Variants in FMN1 observed in about 807,000 individuals in gnomAD.
The protein encoded by FMN1 is formin-1.
A neutral mutation model predicts 132.4 loss-of-function variants in FMN1; 110 were observed. The observed-to-expected ratio is 0.83, with a 90% CI of 0.71 to 0.97. The LOEUF (loss-of-function observed/expected upper bound fraction) is 0.97, where lower values mean the gene tolerates loss of function less well. Ranked by LOEUF, FMN1 falls within the 50% of genes least tolerant of loss-of-function variation. FMN1 has a pLI of 0.00. For synonymous variants in FMN1, 722 were observed against 651.7 expected (o/e 1.11, Z -1.64); for missense variants, 1,792 against 1,705.3 (o/e 1.05, Z -0.90).
chr15:32,998,981 G>A (rs149152497), intron 7 of FMN1, among the ~76,000 whole-genome samples: 32 of 152,230 alleles, frequency 2.1e-4, no homozygotes, highest in Non-Finnish European at 2.9e-4. Context: ...GTAGCCAGTC[G>A]CCCAAGAGGA....
Position 33,066,299 on chromosome 15 carries a change from C to T in FMN1, c.2044-1225G>A, listed in dbSNP as rs538664283. 3.9e-5 allele frequency among the ~76,000 whole-genome samples: 6 copies of T among 152,250 alleles called. No individual in the cohort carries two copies. In the South Asian group the frequency reaches 1.2e-3, roughly 32 times the overall value. ...CTACCTGCACATCTTTGTGTATATC[C>T]CTCTTGCAATATTCCAGATAAAAAT... On this transcript the variant is annotated intron_variant, in intron 5 of 20. Coordinates refer to ENST00000616417, the MANE Select transcript of FMN1 (RefSeq NM_001277313.2).
chr15:33,004,687 G>T (rs991964011), intron 7 of FMN1, among the ~76,000 whole-genome samples: 4 of 152,118 alleles, frequency 2.6e-5, no homozygotes, highest in African/African-American at 7.2e-5. Context: ...CCCATTACTG[G>T]GTACATACCC....
At chr15:33,126,891 T>C (rs1396605469) in intron 4 of FMN1, among the ~76,000 whole-genome samples, 2 of 152,202 alleles carry the variant, frequency 1.3e-5, no homozygotes, top group Non-Finnish European at 2.9e-5. Flanking sequence ...TGTGGCTGTA[T>C]AACTGCAAAG....
At chr15:32,868,609 G>A (rs1006872880) in intron 16 of FMN1, among the ~76,000 whole-genome samples, 4 of 152,014 alleles carry the variant, frequency 2.6e-5, no homozygotes, top group African/African-American at 7.2e-5. Flanking sequence ...CACATACACC[G>A]ACACGTGAAA....
intron 7 of FMN1, among the ~76,000 whole-genome samples, chr15:32,975,627 A>G (rs1301334548): frequency 6.6e-6 from 1 of 152,048 alleles, no homozygotes; most frequent in Non-Finnish European, 1.5e-5. Flanking sequence ...CTCATAAAAC[A>G]TCCAAATTTT....
At chr15:32,952,168 C>G (rs1364611628) in intron 9 of FMN1, among the ~76,000 whole-genome samples, 1 of 152,198 alleles carries the variant, frequency 6.6e-6, no homozygotes, top group Non-Finnish European at 1.5e-5. Flanking sequence ...CTCCACACCC[C>G]AAGAGTATAT....
At chr15:33,123,412 A>G (rs144069926) in intron 4 of FMN1, among the ~76,000 whole-genome samples, 2,426 of 152,276 alleles carry the variant, frequency 0.016, 36 homozygotes, top group Non-Finnish European at 0.025. Context: ...GGTTCAAACA[A>G]TGTTTGTTGA....
intron 9 of FMN1, among the ~76,000 whole-genome samples, chr15:32,930,868 A>T (rs913269966): frequency 1.3e-5 from 2 of 152,136 alleles, no homozygotes; most frequent in Non-Finnish European, 2.9e-5. Context: ...TGATTTTTGT[A>T]TATGTTCCAA....
chr15:32,975,897 C>A (rs1194880198), intron 7 of FMN1, among the ~76,000 whole-genome samples: 1 of 152,098 alleles, frequency 6.6e-6, no homozygotes, highest in East Asian at 1.9e-4. Flanking sequence ...AATATCCTCC[C>A]CATTACCACT....
chr15:33,031,848 T>C (rs1176640788), intron 6 of FMN1, among the ~76,000 whole-genome samples: 2 of 152,230 alleles, frequency 1.3e-5, no homozygotes, highest in Admixed American at 1.3e-4. Flanking sequence ...TATAAATATA[T>C]GAACAAATGT....
chr15:33,002,762 T>C (rs2034190943), intron 7 of FMN1, among the ~76,000 whole-genome samples: 1 of 152,180 alleles, frequency 6.6e-6, no homozygotes, highest in Admixed American at 6.5e-5. Flanking sequence ...TTTAAAATAT[T>C]TATTCCTAGT....
chr15:33,184,489 ATCTTTTTTTTT>A (rs1246472455), intron 2 of FMN1, among the ~76,000 whole-genome samples: 2 of 148,180 alleles, frequency 1.3e-5, no homozygotes, highest in African/African-American at 2.5e-5. Context: ...TTTAATTTAG[ATCTTTTTTTTT>A]TCTTTTTTTT....
intron 6 of FMN1, among the ~76,000 whole-genome samples, chr15:33,043,195 G>A (rs552789238): frequency 1.2e-4 from 19 of 152,310 alleles, no homozygotes; most frequent in African/African-American, 3.6e-4. Context: ...ACAGGATCAC[G>A]AAAGTCAACA....
At chr15:33,115,742 C>CGGAG (rs2039899559) in intron 4 of FMN1, among the ~76,000 whole-genome samples, 1 of 152,050 alleles carries the variant, frequency 6.6e-6, no homozygotes, top group Non-Finnish European at 1.5e-5. Context: ...ACCTATGCTC[C>CGGAG]GCTCCCATGT....
In FMN1 at chr15:33,128,712, GGTAA is replaced by G. The variant is rs576553232; in HGVS notation, c.1867+24332_1867+24335del. ...CACGAATAAACCCGCGGACCCTCAC[GGTAA>G]GTGTGACAGCTCTTAAAGGTGATGT... On this transcript the variant is annotated intron_variant, in intron 4 of 20. Transcript: ENST00000616417. 1.6e-3 allele frequency among the ~76,000 whole-genome samples: 238 copies of G among 152,206 alleles called. 1 individual carries two copies. Among genetic ancestry groups the G allele is most frequent in the African/African-American group, 5.5e-3 (229 of 41,536 alleles).
chr15:32,985,706 A>G (rs1317409408), intron 7 of FMN1, among the ~76,000 whole-genome samples: 1 of 150,536 alleles, frequency 6.6e-6, no homozygotes, highest in Non-Finnish European at 1.5e-5. Context: ...GGCACTCTTA[A>G]GTCCAAATTG....
At chr15:33,062,948 T>C (rs1211132559) in intron 6 of FMN1, 1 of 152,180 alleles carries the variant, frequency 6.6e-6, no homozygotes, top group Non-Finnish European at 1.5e-5. Flanking sequence ...CTAGAAAATA[T>C]AACCCTCCCA....
intron 17 of FMN1, among the ~76,000 whole-genome samples, chr15:32,817,434 G>A (rs1174283414): frequency 1.3e-5 from 2 of 152,264 alleles, no homozygotes; most frequent in East Asian, 3.9e-4. Flanking sequence ...GTTTGTCATA[G>A]CTGGAGGTTT....
intron 9 of FMN1, among the ~76,000 whole-genome samples, chr15:32,952,700 G>C (rs959419029): frequency 6.6e-6 from 1 of 152,162 alleles, no homozygotes; most frequent in Non-Finnish European, 1.5e-5. Flanking sequence ...TATTTTTAAA[G>C]ACCTCCTTCT....
Sources: gnomAD v4.1 joint callset for allele counts (sites outside exome capture counted in the v4.1 genomes callset) on GRCh38, gnomAD v4.1.1 for gene constraint, MANE v1.5 for transcripts, NCBI Gene and HGNC (gene_info 2026-07-23, HGNC 2026-07-21) for gene names.